PCLO: variants seen among roughly 807,000 people sequenced by gnomAD.
The protein encoded by PCLO is protein piccolo.
PCLO carries 82 observed loss-of-function variants against 427.5 expected under a neutral mutation model. The ratio of observed to expected loss-of-function variants is 0.19; its 90% CI spans 0.16 to 0.23. The LOEUF (loss-of-function observed/expected upper bound fraction) is 0.23, where lower values mean the gene tolerates loss of function less well. Ranked by LOEUF, PCLO falls within the 10% of genes least tolerant of loss-of-function variation. The pLI is 1.00. For missense variants in PCLO, 6,239 were observed against 6,115.9 expected, an observed-to-expected ratio of 1.02 and a Z score of -0.67; for synonymous variants, 2,357 against 2,155.4, an observed-to-expected ratio of 1.09 and a Z score of -2.59.
At chr7:82,977,415 T>TATTC (rs1190377493) in intron 3 of PCLO, among the ~76,000 whole-genome samples, 5 of 150,322 alleles carry the variant, frequency 3.3e-5, no homozygotes, top group Non-Finnish European at 7.4e-5. Context: ...TTTATTTATT[T>TATTC]ATTTATTTAT....
intron 3 of PCLO, among the ~76,000 whole-genome samples, chr7:83,023,036 A>G (rs1788384999): frequency 6.6e-6 from 1 of 152,210 alleles, no homozygotes; most frequent in Non-Finnish European, 1.5e-5. Context: ...GTAAATGCAT[A>G]TATCAAATCT....
In PCLO at chr7:82,955,339, T is replaced by C. The variant is rs2115563801; in HGVS notation, c.5614A>G (p.Ile1872Val). The C allele has an allele frequency of 6.2e-7, 1 of 1,613,786 alleles. No homozygotes were observed. Residue 1872 changes from isoleucine (I) to valine (V), a missense_variant, in exon 5 of 25, where the codon ATA becomes GTA. Physicochemically the swap from Ile to Val is conservative, Grantham distance 29 (BLOSUM62 3). Transcript: ENST00000333891. The stretch of plus-strand genomic sequence containing the variant: ...ACTTCTATTATTTTTTCCGGGCTTA[T>C]TTCAAAACCTTCTGGGTCTGACTCT... ...SIESDPEGFE[I>V]SPEKIIEVQK...
chr7:82,790,689 T>G (rs894774521), intron 22 of PCLO, among the ~76,000 whole-genome samples: 1 of 152,336 alleles, frequency 6.6e-6, no homozygotes, highest in East Asian at 1.9e-4. Context: ...ACTGCATTAA[T>G]AATCTTCTGT....
chr7:83,057,551 C>A (rs183104554), intron 3 of PCLO, among the ~76,000 whole-genome samples: 1 of 148,860 alleles, frequency 6.7e-6, no homozygotes, highest in Non-Finnish European at 1.5e-5. Context: ...TTAGTGGAGA[C>A]GGAGTTTCAC....
At chr7:83,096,487 A>C (rs1444158706) in intron 3 of PCLO, among the ~76,000 whole-genome samples, 2 of 151,878 alleles carry the variant, frequency 1.3e-5, no homozygotes, top group Non-Finnish European at 2.9e-5. Flanking sequence ...ACCTCAAAGG[A>C]TTGTGTAAGA....
chr7:82,882,591 G>A (rs1160515585), intron 9 of PCLO, among the ~76,000 whole-genome samples: 1 of 152,120 alleles, frequency 6.6e-6, no homozygotes, highest in Admixed American at 6.5e-5. Context: ...AAGCATATCT[G>A]TGGTTAAGAA....
chr7:82,818,990 G>A (rs988943219), intron 20 of PCLO, among the ~76,000 whole-genome samples: 1 of 152,060 alleles, frequency 6.6e-6, no homozygotes, highest in Non-Finnish European at 1.5e-5. Context: ...GAACTTGCAG[G>A]TTCTTTTTAT....
chr7:82,760,738 C>CT lies in PCLO; in HGVS notation c.15188dup (p.Val5064GlyfsTer12). The CT allele has an allele frequency of 5.2e-6, 8 of 1,545,712 alleles. No homozygotes were observed. Among genetic ancestry groups the CT allele is most frequent in the Admixed American group, 1.7e-5 (1 of 58,146 alleles). ...ATACTCTTGTTTTTTTCTTGATCAC[C>CT]TTTTTTTGGGTAGAAATATTCATCA... is the stretch of plus-strand genomic sequence containing the variant. On this transcript the variant is annotated frameshift_variant, in exon 24 of 25. Coordinates refer to ENST00000333891, the MANE Select transcript of PCLO (RefSeq NM_033026.6). LOFTEE classifies it high-confidence loss of function.
Position 83,154,810 on chromosome 7 carries a change from T to A in PCLO, c.1831A>T (p.Thr611Ser). 6.2e-7 allele frequency: 1 copy of A among 1,613,984 alleles called. No homozygotes were observed. The highest frequency in any genetic ancestry group is 8.5e-7 in the Non-Finnish European group (1 of 1,179,874). ...CTACAGACAGTGGTTTGACACTCAG[T>A]GCATGTGTTAAAATTGGCCTTTTCT... The part of the protein sequence containing the change: ...VPEKANFNTC[T>S]ECQTTVCSLC... The change falls in exon 2 of 25, where the codon ACT becomes TCT. Residue 611 changes from threonine to serine, a missense_variant. Around this residue, in one of 5 missense-constraint regions of PCLO, gnomAD observed 4,677 missense variants for 4,468.4 expected, o/e 1.05. Transcript: ENST00000333891.
intron 3 of PCLO, among the ~76,000 whole-genome samples, chr7:82,976,805 T>C (rs1796027824): frequency 2.6e-5 from 4 of 152,204 alleles, no homozygotes; most frequent in Admixed American, 6.5e-5. Flanking sequence ...GATTTGATCA[T>C]TCCACAATGT....
chr7:82,904,184 C>T (rs2116204975), intron 8 of PCLO, among the ~76,000 whole-genome samples: 2 of 151,736 alleles, frequency 1.3e-5, no homozygotes, highest in South Asian at 4.2e-4. Context: ...CTTTGTAAAC[C>T]ATTGAAAACC....
At chr7:82,989,088 T>A (rs778004099) in intron 3 of PCLO, among the ~76,000 whole-genome samples, 4 of 151,974 alleles carry the variant, frequency 2.6e-5, no homozygotes, top group African/African-American at 9.7e-5. Flanking sequence ...CCTCCCAAAG[T>A]GGTGGGATTA....
At chr7:82,900,617 A>G (rs543978170) in intron 9 of PCLO, among the ~76,000 whole-genome samples, 5 of 151,780 alleles carry the variant, frequency 3.3e-5, no homozygotes, top group East Asian at 3.9e-4. Context: ...AAGGCAAGGG[A>G]TGATTGAGGA....
chr7:83,132,770 T>C (rs1047885941), intron 3 of PCLO, among the ~76,000 whole-genome samples: 2 of 152,132 alleles, frequency 1.3e-5, no homozygotes, highest in Non-Finnish European at 2.9e-5. Flanking sequence ...AACTTCATTG[T>C]GTTGATACTA....
At chr7:82,868,590 C>G (rs1326881560) in intron 10 of PCLO, among the ~76,000 whole-genome samples, 1 of 152,176 alleles carries the variant, frequency 6.6e-6, no homozygotes, top group Non-Finnish European at 1.5e-5. Flanking sequence ...GGCATTTCCT[C>G]ACAGAATACC....
intron 9 of PCLO, among the ~76,000 whole-genome samples, chr7:82,883,792 A>G (rs1793565944): frequency 6.6e-6 from 1 of 152,000 alleles, no homozygotes; most frequent in Admixed American, 6.6e-5. Flanking sequence ...TTATTTTGAG[A>G]TGGACTCTCG....
intron 22 of PCLO, among the ~76,000 whole-genome samples, chr7:82,785,441 T>C (rs1031769611): frequency 1.3e-5 from 2 of 152,222 alleles, no homozygotes; most frequent in East Asian, 3.9e-4. Flanking sequence ...GGTCCTAGGG[T>C]TGGGGACCCC....
At position 83,155,390 on chromosome 7, in the gene PCLO, T is replaced by G. The variant is rs1424965842; in HGVS notation, c.1251A>C (p.Thr417=). The G allele has an allele frequency of 6.2e-7, 1 of 1,613,912 alleles. No individual in the cohort carries two copies. Residue 417 remains threonine, a synonymous_variant, in exon 2 of 25, where the codon ACA becomes ACC. Coordinates refer to ENST00000333891, the MANE Select transcript of PCLO (RefSeq NM_033026.6). ...PAKPPTQQVG[T]PKPLAQQPGL... is the part of the protein sequence containing the mutation. ...CAGGTTGTTGAGCTAGGGGTTTTGG[T>G]GTCCCCACCTGCTGGGTTGGAGGCT...
In PCLO at chr7:82,978,878, ACAC is replaced by A. The variant is rs1489840744; in HGVS notation, c.3301-12394_3301-12392del. ...CACAAACACACACACACACACACAC[ACAC>A]ACACACACACACACTCCACAAAATG... On this transcript the variant is annotated intron_variant, in intron 3 of 24. Coordinates refer to ENST00000333891, the MANE Select transcript of PCLO (RefSeq NM_033026.6). Among the ~76,000 whole-genome samples, 181 of 151,656 alleles carry A rather than the reference ACAC, an allele frequency of 1.2e-3. 1 individual carries two copies. The highest frequency in any genetic ancestry group is 2.2e-3 in the Non-Finnish European group (151 of 67,798).
Sources: allele counts gnomAD v4.1 joint callset (sites outside exome capture counted in the v4.1 genomes callset), GRCh38; gene constraint gnomAD v4.1.1; regional missense constraint gnomAD v4.1.1; transcripts MANE v1.5; gene names NCBI Gene and HGNC (gene_info 2026-07-23, HGNC 2026-07-21).